TMEM182: variants seen among roughly 807,000 people sequenced by gnomAD.
TMEM182 encodes the protein transmembrane protein 182.
Under a neutral mutation model 26.8 loss-of-function variants are expected in TMEM182, and 20 were observed. The observed-to-expected ratio is 0.75, with a 90% CI of 0.53 to 1.09. TMEM182 has a LOEUF of 1.09. Ranked by LOEUF, TMEM182 falls within the 50% of genes least tolerant of loss-of-function variation. The pLI is 0.00. For synonymous variants in TMEM182, 109 were observed against 102.2 expected, an observed-to-expected ratio of 1.07 and a Z score of -0.40; for missense variants, 277 against 275.5, an observed-to-expected ratio of 1.01 and a Z score of -0.04.
At chr2:102,778,042 T>C (rs1458663583) in intron 3 of TMEM182, among the ~76,000 whole-genome samples, 1 of 152,046 alleles carries the variant, frequency 6.6e-6, no homozygotes, top group Non-Finnish European at 1.5e-5. Context: ...TGATGATGTC[T>C]AGTTTTTCTG....
chr2:102,835,049 G>A (rs1320714769), intron 3 of TMEM182, among the ~76,000 whole-genome samples: 1 of 152,098 alleles, frequency 6.6e-6, no homozygotes, highest in Non-Finnish European at 1.5e-5. Flanking sequence ...TGTGGGGGGC[G>A]GGGATGGGAA....
chr2:102,739,012 G>A (rs1034687491), intron 1 of TMEM182, among the ~76,000 whole-genome samples: 1 of 152,224 alleles, frequency 6.6e-6, no homozygotes, highest in African/African-American at 2.4e-5. Context: ...CTAAGGCACT[G>A]AGGAATGTAT....
intron 3 of TMEM182, among the ~76,000 whole-genome samples, chr2:102,779,820 A>G (rs1409265736): frequency 6.6e-6 from 1 of 151,968 alleles, no homozygotes; most frequent in East Asian, 1.9e-4. Flanking sequence ...AACATGATGA[A>G]ACACCCTCTC....
intron 4 of TMEM182, among the ~76,000 whole-genome samples, chr2:102,803,127 A>T (rs1217272705): frequency 6.6e-6 from 1 of 152,188 alleles, no homozygotes; most frequent in Admixed American, 6.5e-5. Context: ...AGTGTAGCTT[A>T]GTCCCTTGAA....
chr2:102,753,333 T>A (rs550595363), intron 1 of TMEM182, among the ~76,000 whole-genome samples: 1 of 152,294 alleles, frequency 6.6e-6, no homozygotes, highest in East Asian at 1.9e-4. Flanking sequence ...TGGTGTGAAT[T>A]ACTTGTATAG....
intron 1 of TMEM182, 53 bp downstream of exon 1, chr2:102,762,402 T>C (rs1573501340): frequency 6.8e-6 from 11 of 1,606,300 alleles, no homozygotes; most frequent in Non-Finnish European, 7.7e-6. Context: ...AAGATACCCT[T>C]ATGTATGCTC....
intron 3 of TMEM182, 26 bp downstream of exon 3, chr2:102,764,453 C>G (rs1277840272): frequency 9.4e-6 from 15 of 1,598,052 alleles, no homozygotes; most frequent in African/African-American, 1.3e-5. Context: ...CCTCAGCCTA[C>G]TTCTAAAAGG....
chr2:102,784,998 G>C (rs1455261928), intron 3 of TMEM182, among the ~76,000 whole-genome samples: 1 of 152,150 alleles, frequency 6.6e-6, no homozygotes, highest in African/African-American at 2.4e-5. Context: ...GTAGGTTTCA[G>C]CCTCATCTTA....
chr2:102,833,996 T>A (rs1490349657), intron 3 of TMEM182, among the ~76,000 whole-genome samples: 2 of 152,232 alleles, frequency 1.3e-5, no homozygotes, highest in East Asian at 3.8e-4. Context: ...TTTGTGTAAA[T>A]GGGACCTGGG....
chr2:102,756,586 G>T (rs553680745), intron 1 of TMEM182, among the ~76,000 whole-genome samples: 4 of 140,122 alleles, frequency 2.9e-5, no homozygotes, highest in Admixed American at 1.4e-4. Context: ...GTGCGTGCCT[G>T]TAGTGTCAGC....
At chr2:102,737,065 G>C in intron 1 of TMEM182, 2 of 503,416 alleles carry the variant, frequency 4.0e-6, no homozygotes, top group Non-Finnish European at 3.5e-6. Context: ...TGTTTCCTCT[G>C]GGTACAGACC....
At chr2:102,767,494 A>G (rs1680500167) in intron 3 of TMEM182, among the ~76,000 whole-genome samples, 1 of 152,212 alleles carries the variant, frequency 6.6e-6, no homozygotes, top group Non-Finnish European at 1.5e-5. Flanking sequence ...TGTACTGAAC[A>G]TAAATGAATT....
intron 1 of TMEM182, among the ~76,000 whole-genome samples, chr2:102,737,191 C>A (rs1679377954): frequency 6.6e-6 from 1 of 152,166 alleles, no homozygotes; most frequent in South Asian, 2.1e-4. Flanking sequence ...CCCTGGCCAC[C>A]AGTTGGTTGT....
chr2:102,767,362 G>A (rs1231267827), intron 3 of TMEM182, among the ~76,000 whole-genome samples: 2 of 152,110 alleles, frequency 1.3e-5, no homozygotes, highest in African/African-American at 4.8e-5. Context: ...GTAGGCTTGT[G>A]TACTTCTAAG....
At chr2:102,810,340 G>A (rs1305635681) in intron 4 of TMEM182, among the ~76,000 whole-genome samples, 1 of 152,096 alleles carries the variant, frequency 6.6e-6, no homozygotes, top group Admixed American at 6.6e-5. Context: ...GAAACAGTGA[G>A]GATATACAAT....
intron 3 of TMEM182, among the ~76,000 whole-genome samples, chr2:102,765,728 A>T (rs1680406570): frequency 6.6e-6 from 1 of 152,208 alleles, no homozygotes; most frequent in South Asian, 2.1e-4. Context: ...TGAGGTCTGG[A>T]TAGGGAAAGA....
rs1004541694 is a variant in TMEM182 at position 102,815,198 on chromosome 2, A to G, written c.*230A>G. 1 of 1,342,964 alleles carries G rather than the reference A, an allele frequency of 7.4e-7. No individual in the cohort carries two copies. The highest frequency in any genetic ancestry group is 9.5e-7 in the Non-Finnish European group (1 of 1,048,606). 83.2% of individuals were successfully genotyped at this position (1,342,964 alleles called of 1,614,324 possible). ...CTGTCAAGGACCTAGTTCTTTAGGG[A>G]ATAGGTAAACAGGTCTCCCTTTCAT... is the stretch of plus-strand genomic sequence containing the variant. On this transcript the variant is annotated 3_prime_UTR_variant, in exon 5 of 5. Coordinates refer to ENST00000412401, the MANE Select transcript of TMEM182 (RefSeq NM_144632.5).
At chr2:102,809,306 T>C (rs1465190480) in intron 4 of TMEM182, among the ~76,000 whole-genome samples, 1 of 152,240 alleles carries the variant, frequency 6.6e-6, no homozygotes, top group Non-Finnish European at 1.5e-5. Flanking sequence ...CCTTGAAGAA[T>C]TGCTTCGTTT....
At chr2:102,743,174 A>G (rs981211580) in intron 1 of TMEM182, among the ~76,000 whole-genome samples, 1 of 152,352 alleles carries the variant, frequency 6.6e-6, no homozygotes, top group African/African-American at 2.4e-5. Context: ...CAAAGTCATA[A>G]GGTATCAACA....
Sources: allele counts gnomAD v4.1 joint callset (sites outside exome capture counted in the v4.1 genomes callset), GRCh38; gene constraint gnomAD v4.1.1; transcripts MANE v1.5; gene names NCBI Gene and HGNC (gene_info 2026-07-23, HGNC 2026-07-21).